The following NLGN1 variants were observed in gnomAD, a reference collection of about 807,000 sequenced individuals.
NLGN1 encodes neuroligin 1, also known as neuroligin-1.
A neutral mutation model predicts 65.5 loss-of-function variants in NLGN1; 12 were observed. The ratio of observed to expected loss-of-function variants is 0.18; its 90% CI spans 0.12 to 0.30. NLGN1 has a LOEUF of 0.30. Ranked by LOEUF, NLGN1 falls within the 10% of genes least tolerant of loss-of-function variation. The pLI is 1.00. For missense variants in NLGN1, 750 were observed against 1,007.1 expected, an observed-to-expected ratio of 0.74 and a Z score of 3.46; for synonymous variants, 350 against 359.5, an observed-to-expected ratio of 0.97 and a Z score of 0.30.
intron 4 of NLGN1, among the ~76,000 whole-genome samples, chr3:173,903,568 A>C (rs376846142): frequency 1.3e-5 from 2 of 152,164 alleles, no homozygotes; most frequent in East Asian, 3.9e-4. Context: ...GAGGTGACAG[A>C]TGGAAGCTGC....
chr3:173,517,800 A>ATCTG (rs1197131365), intron 2 of NLGN1, among the ~76,000 whole-genome samples: 1 of 150,336 alleles, frequency 6.7e-6, no homozygotes, highest in Non-Finnish European at 1.5e-5. Flanking sequence ...CTATCTATCT[A>ATCTG]TCATATCTAT....
At chr3:174,145,569 C>T (rs970572260) in intron 4 of NLGN1, among the ~76,000 whole-genome samples, 2 of 151,886 alleles carry the variant, frequency 1.3e-5, no homozygotes, top group African/African-American at 4.8e-5. Flanking sequence ...AACAAAAAGG[C>T]ATTGAAAAAC....
chr3:174,204,699 G>A (rs1735084811), intron 4 of NLGN1, among the ~76,000 whole-genome samples: 3 of 152,198 alleles, frequency 2.0e-5, no homozygotes, highest in South Asian at 4.1e-4. Flanking sequence ...TAATGCCCTA[G>A]AAAAGCTTCA....
chr3:173,539,650 A>AAC (rs1553879366), intron 2 of NLGN1, among the ~76,000 whole-genome samples: 1 of 51,170 alleles, frequency 2.0e-5, no homozygotes, highest in Non-Finnish European at 4.2e-5. Flanking sequence ...ATACATATAT[A>AAC]ACATATGTGT....
chr3:174,203,630 A>G (rs1255062756), intron 4 of NLGN1, among the ~76,000 whole-genome samples: 1 of 152,218 alleles, frequency 6.6e-6, no homozygotes, highest in African/African-American at 2.4e-5. Flanking sequence ...TGAAAGATCA[A>G]AGAACACCCT....
chr3:173,710,557 T>C (rs1578071623), intron 3 of NLGN1, among the ~76,000 whole-genome samples: 1 of 152,218 alleles, frequency 6.6e-6, no homozygotes, highest in Non-Finnish European at 1.5e-5. Context: ...GGTTTATGAA[T>C]ACTTGGTAAG....
At chr3:173,900,980 G>A (rs965593209) in intron 4 of NLGN1, among the ~76,000 whole-genome samples, 6 of 151,980 alleles carry the variant, frequency 3.9e-5, no homozygotes, top group African/African-American at 7.2e-5. Context: ...CCTCTGACTG[G>A]AAACTCGTGT....
At chr3:173,456,071 A>G (rs1190958615) in intron 2 of NLGN1, among the ~76,000 whole-genome samples, 1 of 152,162 alleles carries the variant, frequency 6.6e-6, no homozygotes, top group East Asian at 1.9e-4. Flanking sequence ...CATCTGCTTT[A>G]GTAAGACATC....
At chr3:173,467,440 G>A (rs535462616) in intron 2 of NLGN1, among the ~76,000 whole-genome samples, 2 of 152,168 alleles carry the variant, frequency 1.3e-5, no homozygotes, top group South Asian at 4.1e-4. Flanking sequence ...TAAGGTTATT[G>A]TTTTAGACAA....
intron 2 of NLGN1, among the ~76,000 whole-genome samples, chr3:173,455,032 C>G (rs1722273056): frequency 6.6e-6 from 1 of 152,176 alleles, no homozygotes; most frequent in Non-Finnish European, 1.5e-5. Context: ...GCAATCAGAA[C>G]ATACACAACA....
At chr3:173,539,657 G>GTACATATA (rs1362050556) in intron 2 of NLGN1, among the ~76,000 whole-genome samples, 1 of 124,274 alleles carries the variant, frequency 8.0e-6, no homozygotes, top group African/African-American at 3.3e-5. Context: ...TATAACATAT[G>GTACATATA]TGTATATATG....
intron 2 of NLGN1, among the ~76,000 whole-genome samples, chr3:173,500,975 A>G (rs1731008261): frequency 6.6e-6 from 1 of 152,202 alleles, no homozygotes; most frequent in Admixed American, 6.6e-5. Context: ...CATGGTAGAC[A>G]CTAAAAAAAT....
intron 3 of NLGN1, among the ~76,000 whole-genome samples, chr3:173,710,810 G>T (rs1768826860): frequency 6.6e-6 from 1 of 152,182 alleles, no homozygotes; most frequent in Non-Finnish European, 1.5e-5. Context: ...AGAAGACCCA[G>T]TCAAGTACCA....
At chr3:173,534,514 A>G (rs1737125638) in intron 2 of NLGN1, among the ~76,000 whole-genome samples, 1 of 152,156 alleles carries the variant, frequency 6.6e-6, no homozygotes, top group African/African-American at 2.4e-5. Context: ...TTTCATGGCA[A>G]TTATTACATA....
chr3:173,542,322 A>C (rs1739028438), intron 2 of NLGN1, among the ~76,000 whole-genome samples: 1 of 152,084 alleles, frequency 6.6e-6, no homozygotes, highest in South Asian at 2.1e-4. Flanking sequence ...ACTTTTAAAA[A>C]GTTTTATTCT....
chr3:173,629,460 T>C (rs151033480), intron 3 of NLGN1, among the ~76,000 whole-genome samples: 1 of 152,280 alleles, frequency 6.6e-6, no homozygotes, highest in African/African-American at 2.4e-5. Context: ...AAATGATCAA[T>C]AGACAATTAC....
At chr3:173,807,537 T>C in intron 3 of NLGN1, 143 bp from the exon 4 acceptor site, 1 of 862,736 alleles carries the variant, frequency 1.2e-6, no homozygotes, top group Non-Finnish European at 1.8e-6. Flanking sequence ...TATGAGTTGC[T>C]TAAGAAACAC....
chr3:174,087,681 A>G (rs770454594), intron 4 of NLGN1, among the ~76,000 whole-genome samples: 44 of 152,120 alleles, frequency 2.9e-4, no homozygotes, highest in Non-Finnish European at 3.2e-4. Flanking sequence ...TGCCACAACT[A>G]TACCTGTGGT....
intron 3 of NLGN1, among the ~76,000 whole-genome samples, chr3:173,700,542 A>G (rs1766972799): frequency 6.6e-6 from 1 of 152,160 alleles, no homozygotes; most frequent in South Asian, 2.1e-4. Flanking sequence ...TGAATGTGGA[A>G]CTTCTGTTAC....
Sources: gnomAD v4.1 joint callset for allele counts (sites outside exome capture counted in the v4.1 genomes callset) on GRCh38, gnomAD v4.1.1 for gene constraint, MANE v1.5 for transcripts, NCBI Gene and HGNC (gene_info 2026-07-23, HGNC 2026-07-21) for gene names.